Variants in SLC6A16 observed in about 807,000 individuals in gnomAD.
The protein encoded by SLC6A16 is solute carrier family 6 member 16.
A neutral mutation model predicts 65.4 loss-of-function variants in SLC6A16; 54 were observed. The ratio of observed to expected loss-of-function variants is 0.83; its 90% CI spans 0.66 to 1.04. The LOEUF (loss-of-function observed/expected upper bound fraction) is 1.04, where lower values mean the gene tolerates loss of function less well. Ranked by LOEUF, SLC6A16 falls within the 50% of genes least tolerant of loss-of-function variation. SLC6A16 has a pLI of 0.00. For synonymous variants in SLC6A16, 330 were observed against 346.5 expected (o/e 0.95, Z 0.53); for missense variants, 816 against 914.0 (o/e 0.89, Z 1.38).
chr19:49,325,206 C>T (rs1460849665), upstream of SLC6A16: 2 of 985,046 alleles, frequency 2.0e-6, no homozygotes, highest in Non-Finnish European at 2.4e-6. Context: ...GGCGCGCGGC[C>T]TTTCCCGCCG....
In SLC6A16 at chr19:49,309,368, C is replaced by T. The variant is rs746461971; in HGVS notation, c.920G>A (p.Gly307Asp). ...CAGGAGTAGAGTCCGGATGAAGAAACCGACAATGATGAAACAGGGGAGCAG... is the reference window on the plus strand; with the variant it reads ...CAGGAGTAGAGTCCGGATGAAGAAATCGACAATGATGAAACAGGGGAGCAG... ...LVLLPCFIIV[G>D]FFIRTLLLEG... Residue 307 changes from glycine (G) to aspartate (D), a missense_variant, in exon 6 of 12, where the codon GGT (glycine) becomes GAT (aspartate). By Grantham distance (94) the Gly-to-Asp change is moderately conservative (BLOSUM62 -1). Coordinates refer to ENST00000335875, the MANE Select transcript of SLC6A16 (RefSeq NM_014037.3). 14 of 1,614,088 alleles carry T rather than the reference C, an allele frequency of 8.7e-6. No homozygotes were observed. Among genetic ancestry groups the T allele is most frequent in the African/African-American group, 6.7e-5 (5 of 74,996 alleles).
the SLC6A16 span, among the ~76,000 whole-genome samples, chr19:49,334,666 GTT>G: frequency 9.3e-5 from 14 of 151,270 alleles, no homozygotes; most frequent in African/African-American, 3.4e-4. Flanking sequence ...CCCTATCTCT[GTT>G]TTTTTTTAAT....
At position 49,316,857 on chromosome 19, in the gene SLC6A16, C is replaced by CA. The variant is rs34224524; in HGVS notation, c.-64-5447dup. On this transcript the variant is annotated intron_variant, in intron 1 of 11. Transcript: ENST00000335875. Reference sequence around the variant, plus strand: ...CAATGCAGTGAAAACCCATCTCTACCAAAAAAAAAAAAAAAAAATTAAAAT... The same window carrying CA: ...CAATGCAGTGAAAACCCATCTCTACCAAAAAAAAAAAAAAAAAAATTAAAAT... Among the ~76,000 whole-genome samples, 801 of 123,540 alleles carry CA rather than the reference C, an allele frequency of 6.5e-3. 5 individuals carry two copies. The highest frequency in any genetic ancestry group is 0.013 in the Middle Eastern group (3 of 226). The allele number at this position is 123,540 out of a possible 152,430, so 81.0% of individuals were successfully genotyped here. A position where few individuals can be genotyped will look rare whatever the true frequency, so the allele number is the denominator to read the frequency against.
chr19:49,333,862 G>A, the SLC6A16 span, among the ~76,000 whole-genome samples: 2 of 152,226 alleles, frequency 1.3e-5, no homozygotes, highest in Non-Finnish European at 2.9e-5. Flanking sequence ...GGAAACTGCA[G>A]AGGCCACTGG....
intron 2 of SLC6A16, 41 bp from the exon 3 acceptor site, chr19:49,310,551 C>T: frequency 6.2e-7 from 1 of 1,610,828 alleles, no homozygotes; most frequent in Admixed American, 1.7e-5. Context: ...AACCATGTGG[C>T]CTTTCAGTGC....
chr19:49,314,627 CA>C (rs1049364090), intron 1 of SLC6A16, among the ~76,000 whole-genome samples: 1 of 152,026 alleles, frequency 6.6e-6, no homozygotes, highest in Admixed American at 6.6e-5. Flanking sequence ...CAAAAAAACC[CA>C]AGAAACTAGT....
At chr19:49,299,760 C>T (rs911231552) in intron 7 of SLC6A16, among the ~76,000 whole-genome samples, 3 of 151,738 alleles carry the variant, frequency 2.0e-5, no homozygotes, top group Admixed American at 2.0e-4. Context: ...TGGTGGCTCA[C>T]GCCTGTAATC....
chr19:49,332,006 C>T, the SLC6A16 span: 1 of 447,524 alleles, frequency 2.2e-6, no homozygotes, highest in African/African-American at 2.0e-5. Flanking sequence ...GCTGAAATAG[C>T]AAATTACCAC....
rs771876625 is a variant in SLC6A16 at position 49,289,862 on chromosome 19, T to C, written c.*261A>G. The C allele has an allele frequency of 4.2e-5, 19 of 454,108 alleles. No individual in the cohort carries two copies. The East Asian group carries it at 7.2e-4, about 17-fold the overall frequency. The allele number at this position is 454,108 out of a possible 1,614,324, so 28.1% of individuals were successfully genotyped here. Reference sequence around the variant, plus strand: ...CCAGAAGTAGCAGGACTGGTAGACATCACTAGTATTGTATATGTGTTGTGC... The same window carrying C: ...CCAGAAGTAGCAGGACTGGTAGACACCACTAGTATTGTATATGTGTTGTGC... On this transcript the variant is annotated 3_prime_UTR_variant, in exon 12 of 12. Coordinates refer to ENST00000335875, the MANE Select transcript of SLC6A16 (RefSeq NM_014037.3).
rs371869764 is a variant in SLC6A16, at chr19:49,294,584, C to T, written c.1230-31G>A. The T allele has an allele frequency of 7.1e-6, 11 of 1,551,468 alleles. No individual in the cohort carries two copies. In the African/African-American group the frequency reaches 1.5e-4, roughly 21 times the overall value. On this transcript the variant is annotated intron_variant, in intron 7 of 11. Transcript: ENST00000335875. ...GATAGAGGGTTGAATCAAATCGAAC[C>T]ATTTGGCCCAGTAGGAGATAGTCTC...
the SLC6A16 span, among the ~76,000 whole-genome samples, chr19:49,333,925 A>G: frequency 6.6e-6 from 1 of 152,180 alleles, no homozygotes; most frequent in Non-Finnish European, 1.5e-5. Flanking sequence ...TCAGGATCCC[A>G]GGCTCAGTGC....
At chr19:49,299,542 A>AAAAAAAAAG (rs1970246074) in intron 7 of SLC6A16, among the ~76,000 whole-genome samples, 1 of 52,110 alleles carries the variant, frequency 1.9e-5, no homozygotes, top group African/African-American at 1.2e-4. Flanking sequence ...TGTAAAAAAA[A>AAAAAAAAAG]AAAAAAAGAA....
the SLC6A16 span, chr19:49,340,176 CTCG>C: frequency 7.5e-7 from 1 of 1,339,754 alleles, no homozygotes; most frequent in Non-Finnish European, 1.0e-6. Context: ...CCTGACCTTT[CTCG>C]CCCGGGTGGG....
chr19:49,306,704 G>A (rs770560450), intron 7 of SLC6A16, among the ~76,000 whole-genome samples: 6 of 151,736 alleles, frequency 4.0e-5, no homozygotes, highest in African/African-American at 2.4e-5. Flanking sequence ...CACCACGCCC[G>A]GCTAATTTTT....
intron 8 of SLC6A16, 73 bp downstream of exon 8, chr19:49,294,294 T>C: frequency 1.4e-6 from 2 of 1,460,256 alleles, no homozygotes; most frequent in South Asian, 2.5e-5. Context: ...CTGGTGCTAA[T>C]AAAAGCTAAA....
At chr19:49,338,297 C>A in the SLC6A16 span, 1 of 958,254 alleles carries the variant, frequency 1.0e-6, no homozygotes, top group Non-Finnish European at 1.5e-6. The surrounding 1 kb of genome is among the most constrained non-coding windows in gnomAD (Gnocchi z 5.0). Flanking sequence ...TTGTCAGGCC[C>A]CTAGTCCCAA....
chr19:49,304,540 C>T (rs1321192123), intron 7 of SLC6A16, among the ~76,000 whole-genome samples: 3 of 151,890 alleles, frequency 2.0e-5, no homozygotes, highest in East Asian at 1.9e-4. Flanking sequence ...CTGAGGTGGG[C>T]GGATCACCTG....
At chr19:49,297,448 G>A (rs898244299) in intron 7 of SLC6A16, among the ~76,000 whole-genome samples, 1 of 152,306 alleles carries the variant, frequency 6.6e-6, no homozygotes, top group South Asian at 2.1e-4. Context: ...AAGGATGTGG[G>A]ACAACCAGAA....
At chr19:49,337,074 T>C in the SLC6A16 span, 2 of 1,613,958 alleles carry the variant, frequency 1.2e-6, no homozygotes, top group East Asian at 4.5e-5. Flanking sequence ...AACACTCCTA[T>C]CCCCACCCTC....
Sources: gnomAD v4.1 joint callset for allele counts (sites outside exome capture counted in the v4.1 genomes callset) on GRCh38, gnomAD v4.1.1 for gene constraint, Gnocchi (gnomAD v3.1) non-coding constraint, MANE v1.5 for transcripts, NCBI Gene and HGNC (gene_info 2026-07-23, HGNC 2026-07-21) for gene names.